The following RBM41 variants were observed in gnomAD, a reference collection of about 807,000 sequenced individuals.
RBM41 encodes the protein RNA binding motif protein 41.
A neutral mutation model predicts 30.8 loss-of-function variants in RBM41; 14 were observed. The observed-to-expected ratio is 0.45, with a 90% CI of 0.30 to 0.71. The LOEUF (loss-of-function observed/expected upper bound fraction) is 0.71. RBM41 is among the 30% of genes least tolerant of loss of function. RBM41 has a pLI of 0.08. For missense variants in RBM41, 276 were observed against 326.3 expected (o/e 0.85, Z 1.19); for synonymous variants, 120 against 110.1 (o/e 1.09, Z -0.56).
At chrX:107,056,150 G>C in the RBM41 span, among the ~76,000 whole-genome samples, 1 of 111,711 alleles carries the variant, frequency 9.0e-6, no homozygotes, top group Non-Finnish European at 1.9e-5. Flanking sequence ...TAAATGAGAT[G>C]ATCATGTGTT....
downstream of RBM41, among the ~76,000 whole-genome samples, chrX:107,060,525 A>C (rs935117474): frequency 9.0e-6 from 1 of 111,472 alleles, no homozygotes; most frequent in Non-Finnish European, 1.9e-5. Context: ...GAAGGGGAGA[A>C]TAGCCTTCAC....
At position 107,100,138 on chromosome X, in the gene RBM41, A is replaced by T. The variant is rs1486007012; in HGVS notation, c.596-11299T>A. Among the ~76,000 whole-genome samples the T allele has an allele frequency of 2.7e-5, 3 of 111,961 alleles. No individual in the cohort carries two copies. The East Asian group carries it at 8.4e-4, about 31-fold the overall frequency. The stretch of plus-strand genomic sequence containing the variant: ...ATTTTCCAAAATAAAAGGTTGAGGA[A>T]AATAACACTTGACTAAAGGCTTTAA... On this transcript the variant is annotated intron_variant, in intron 5 of 7. Coordinates refer to ENST00000685964, the MANE Select transcript of RBM41 (RefSeq NM_001324242.2).
At chrX:107,098,656 G>T (rs1923191293) in intron 5 of RBM41, among the ~76,000 whole-genome samples, 1 of 111,683 alleles carries the variant, frequency 9.0e-6, no homozygotes, top group East Asian at 2.8e-4. Flanking sequence ...ATTCCAGGTG[G>T]ATTAAAGACT....
intron 6 of RBM41, among the ~76,000 whole-genome samples, chrX:107,077,260 T>C (rs145043348): frequency 0.038 from 4,239 of 110,810 alleles, 225 homozygotes; most frequent in African/African-American, 0.13. Context: ...GCCTCCCCAG[T>C]AGCTGGGATT....
chrX:107,113,488 G>A lies in RBM41; in HGVS notation c.524-20C>T. 1.0e-6 allele frequency: 1 copy of A among 981,791 alleles called. No homozygotes were observed. Among genetic ancestry groups the A allele is most frequent in the Non-Finnish European group, 1.3e-6 (1 of 755,692 alleles). 80.9% of individuals were successfully genotyped at this position (981,791 alleles called of 1,213,427 possible). On this transcript the variant is annotated intron_variant, in intron 4 of 7. Transcript: ENST00000685964. The stretch of plus-strand genomic sequence containing the variant: ...GGTATGCTGTGAAGGTTTAAAGCAA[G>A]GAGTTTCAAAGATAGGAAACAGAAC...
chrX:107,079,018 T>A (rs1194029300), intron 6 of RBM41, among the ~76,000 whole-genome samples: 2 of 111,337 alleles, frequency 1.8e-5, no homozygotes, highest in Non-Finnish European at 3.8e-5. Context: ...GCCCCAGTAT[T>A]AGAAGCAGCC....
rs1267152517 is a variant in RBM41 at position 107,064,868 on chromosome X, T to C, written c.*2659A>G. Reference sequence around the variant, plus strand: ...GTGCTCTATTATTGAAAAAGGGGTATTGAATATTCCAACTCTTTTTATGGA... The same window carrying C: ...GTGCTCTATTATTGAAAAAGGGGTACTGAATATTCCAACTCTTTTTATGGA... On this transcript the variant is annotated 3_prime_UTR_variant, in exon 8 of 8. Coordinates refer to ENST00000685964, the MANE Select transcript of RBM41 (RefSeq NM_001324242.2). 1 of 111,626 alleles carries C rather than the reference T, an allele frequency of 9.0e-6. No homozygotes were observed. The highest frequency in any genetic ancestry group is 9.5e-5 in the Admixed American group (1 of 10,508). 9.2% of individuals were successfully genotyped at this position (111,626 alleles called of 1,213,427 possible).
At chrX:107,057,298 A>G (rs1935597132), downstream of RBM41, among the ~76,000 whole-genome samples, 1 of 111,840 alleles carries the variant, frequency 8.9e-6, no homozygotes, top group Non-Finnish European at 1.9e-5. Flanking sequence ...AAAAAAATAG[A>G]TGTTTGCACT....
chrX:107,112,308 G>T (rs1054445771), intron 5 of RBM41, among the ~76,000 whole-genome samples: 8 of 111,451 alleles, frequency 7.2e-5, no homozygotes, highest in African/African-American at 1.9e-4. Flanking sequence ...AGCCATTAAA[G>T]AAATGCAAAT....
At chrX:107,102,782 T>C (rs1030615601) in intron 5 of RBM41, among the ~76,000 whole-genome samples, 6 of 111,377 alleles carry the variant, frequency 5.4e-5, no homozygotes, top group Non-Finnish European at 1.1e-4. Flanking sequence ...GAGCCCAGAA[T>C]ATTACTCATA....
intron 5 of RBM41, among the ~76,000 whole-genome samples, chrX:107,093,864 G>A (rs1602587141): frequency 1.8e-5 from 2 of 111,923 alleles, no homozygotes; most frequent in South Asian, 7.4e-4. Context: ...GAAAGTAAGA[G>A]AGAAGACAAA....
chrX:107,092,262 T>A (rs1922601629), intron 5 of RBM41, among the ~76,000 whole-genome samples: 1 of 104,871 alleles, frequency 9.5e-6, no homozygotes, highest in Non-Finnish European at 1.9e-5. Flanking sequence ...CATAAAGAGA[T>A]GGACCAAAAA....
chrX:107,056,855 C>T, the RBM41 span, among the ~76,000 whole-genome samples: 5 of 103,643 alleles, frequency 4.8e-5, no homozygotes, highest in Non-Finnish European at 7.8e-5. Flanking sequence ...TTCCTAGTCC[C>T]TATTTCATTT....
chrX:107,076,316 C>CAAATAAATAAAT (rs55848548), intron 6 of RBM41, among the ~76,000 whole-genome samples: 87 of 92,764 alleles, frequency 9.4e-4, no homozygotes, highest in African/African-American at 2.0e-3. Flanking sequence ...GACTCCGTCT[C>CAAATAAATAAAT]AAATAAATAA....
At chrX:107,112,299 G>A (rs1951922405) in intron 5 of RBM41, among the ~76,000 whole-genome samples, 1 of 111,467 alleles carries the variant, frequency 9.0e-6, no homozygotes, top group African/African-American at 3.3e-5. Flanking sequence ...AACATCATTA[G>A]CCATTAAAGA....
the RBM41 span, among the ~76,000 whole-genome samples, chrX:107,053,981 A>G: frequency 9.0e-6 from 1 of 111,329 alleles, no homozygotes; most frequent in Non-Finnish European, 1.9e-5. Context: ...AAACTCCTAT[A>G]TGATGGGGCA....
the RBM41 span, among the ~76,000 whole-genome samples, chrX:107,055,565 CTG>C: frequency 1.8e-5 from 2 of 112,437 alleles, no homozygotes; most frequent in Non-Finnish European, 3.8e-5. Flanking sequence ...ACCTCGTGAT[CTG>C]CCCGCCTTGG....
At chrX:107,092,569 A>C (rs1922638719) in intron 5 of RBM41, among the ~76,000 whole-genome samples, 2 of 111,182 alleles carry the variant, frequency 1.8e-5, no homozygotes. Flanking sequence ...ACATGGTGAT[A>C]CTCTGTCTCT....
intron 5 of RBM41, among the ~76,000 whole-genome samples, chrX:107,094,403 A>G (rs1399637102): frequency 8.9e-6 from 1 of 112,542 alleles, no homozygotes; most frequent in Non-Finnish European, 1.9e-5. Flanking sequence ...TGTAACATCT[A>G]AAAATCAATA....
Sources: gnomAD v4.1 joint callset for allele counts (sites outside exome capture counted in the v4.1 genomes callset) on GRCh38, gnomAD v4.1.1 for gene constraint, MANE v1.5 for transcripts, NCBI Gene and HGNC (gene_info 2026-07-23, HGNC 2026-07-21) for gene names.